The following JMJD1C variants were observed in gnomAD, a reference collection of about 807,000 sequenced individuals.
The protein encoded by JMJD1C is jumonji domain containing 1C.
In JMJD1C, 31 loss-of-function variants were observed where a neutral mutation model predicts 245.3. The ratio of observed to expected loss-of-function variants is 0.13; its 90% CI spans 0.09 to 0.17. The LOEUF (loss-of-function observed/expected upper bound fraction) is 0.17. JMJD1C is among the 10% of genes least tolerant of loss of function. The pLI is 1.00. For missense variants in JMJD1C, 2,691 were observed against 3,000.2 expected, an observed-to-expected ratio of 0.90 and a Z score of 2.41; for synonymous variants, 1,057 against 1,017.4, an observed-to-expected ratio of 1.04 and a Z score of -0.74.
intron 12 of JMJD1C, among the ~76,000 whole-genome samples, chr10:63,197,884 C>G (rs1327039468): frequency 6.6e-6 from 1 of 152,178 alleles, no homozygotes; most frequent in African/African-American, 2.4e-5. Context: ...CATCTGTAGC[C>G]TCTACCTATC....
intron 1 of JMJD1C, among the ~76,000 whole-genome samples, chr10:63,484,221 G>A: frequency 1.6e-5 from 1 of 63,418 alleles, no homozygotes; most frequent in Non-Finnish European, 3.8e-5. Flanking sequence ...TGGATGGATG[G>A]ATGGATGGAT....
intron 2 of JMJD1C, among the ~76,000 whole-genome samples, chr10:63,326,224 G>A (rs563094002): frequency 2.0e-5 from 3 of 152,146 alleles, no homozygotes; most frequent in Admixed American, 6.5e-5. Flanking sequence ...GCCAGACGCG[G>A]TGGCTCACGC....
At chr10:63,412,212 G>A (rs10761755) in intron 1 of JMJD1C, among the ~76,000 whole-genome samples, 99,988 of 152,016 alleles carry the variant, frequency 0.66, 35,820 homozygotes, top group Non-Finnish European at 0.81. Context: ...ACTGTTGACC[G>A]GAAGTCTTAA....
intron 1 of JMJD1C, among the ~76,000 whole-genome samples, chr10:63,418,557 C>G (rs1033802296): frequency 6.6e-6 from 1 of 152,098 alleles, no homozygotes; most frequent in African/African-American, 2.4e-5. Context: ...TTTCTTAAAG[C>G]CATGCCAAAA....
chr10:63,260,943 C>T (rs1391078495), intron 3 of JMJD1C, among the ~76,000 whole-genome samples: 1 of 152,072 alleles, frequency 6.6e-6, no homozygotes, highest in Non-Finnish European at 1.5e-5. Flanking sequence ...ATTTTCTCCT[C>T]CTTCTTCCCA....
chr10:63,226,481 G>A (rs943151575), intron 3 of JMJD1C, among the ~76,000 whole-genome samples: 9 of 152,008 alleles, frequency 5.9e-5, no homozygotes, highest in Non-Finnish European at 1.3e-4. Flanking sequence ...AGGAGGCCAA[G>A]GTGGGAGGAT....
At chr10:63,458,860 A>C (rs1484025619) in intron 1 of JMJD1C, among the ~76,000 whole-genome samples, 1 of 152,010 alleles carries the variant, frequency 6.6e-6, no homozygotes, top group Non-Finnish European at 1.5e-5. Context: ...AGGAGCTGGG[A>C]CCACAGGCAC....
chr10:63,263,348 T>G (rs1855038050), intron 3 of JMJD1C, among the ~76,000 whole-genome samples: 1 of 152,180 alleles, frequency 6.6e-6, no homozygotes, highest in Non-Finnish European at 1.5e-5. Context: ...CTCATTTTGG[T>G]GGACCTAAGA....
At chr10:63,347,889 A>G (rs985970992) in intron 2 of JMJD1C, among the ~76,000 whole-genome samples, 15 of 152,042 alleles carry the variant, frequency 9.9e-5, no homozygotes, top group African/African-American at 3.1e-4. Flanking sequence ...CCTCCAGCCT[A>G]GGCAACAGAG....
chr10:63,497,015 T>C (rs1456808539), intron 1 of JMJD1C, among the ~76,000 whole-genome samples: 1 of 152,216 alleles, frequency 6.6e-6, no homozygotes, highest in Non-Finnish European at 1.5e-5. Flanking sequence ...CCTTTGTTAT[T>C]GTACATGTTA....
chr10:63,213,792 T>G lies in JMJD1C; in HGVS notation c.2375A>C (p.His792Pro), dbSNP rs866120279. Residue 792 changes from histidine to proline, a missense_variant, in exon 8 of 26, where the codon CAC (histidine) becomes CCC (proline). By Grantham distance (77) the His-to-Pro change is moderately conservative. Coordinates refer to ENST00000399262, the MANE Select transcript of JMJD1C (RefSeq NM_032776.3). ...LTSGPHHAVH[H>P]PHLLPTVLPG... ...TAACACAGTGGGAAGTAAATGAGGG[T>G]GATGAACAGCATGGTGTGGACCACT... is the stretch of plus-strand genomic sequence containing the variant. 1.3e-5 allele frequency: 21 copies of G among 1,613,868 alleles called. No individual in the cohort carries two copies. The highest frequency in any genetic ancestry group is 1.7e-5 in the Non-Finnish European group (20 of 1,179,922).
At chr10:63,290,604 G>A (rs1323020747) in intron 2 of JMJD1C, among the ~76,000 whole-genome samples, 5 of 152,080 alleles carry the variant, frequency 3.3e-5, no homozygotes, top group Non-Finnish European at 7.4e-5. Context: ...CTTCTGAAGC[G>A]ATAATATAGG....
rs1191882030 is a variant in JMJD1C at position 63,329,785 on chromosome 10, C to T, written c.333+50533G>A. On this transcript the variant is annotated intron_variant, in intron 2 of 25. Coordinates refer to ENST00000399262, the MANE Select transcript of JMJD1C (RefSeq NM_032776.3). ...TTCAATGTGGGTTAGCAGCAGTAAG[C>T]CACAGCTCCCCGTCAGCCACACTAT... 6.6e-5 allele frequency among the ~76,000 whole-genome samples: 10 copies of T among 152,338 alleles called. 1 individual carries two copies. The highest frequency in any genetic ancestry group is 2.4e-4 in the African/African-American group (10 of 41,580).
intron 1 of JMJD1C, among the ~76,000 whole-genome samples, chr10:63,451,378 T>C (rs1952058657): frequency 6.6e-6 from 1 of 152,138 alleles, no homozygotes; most frequent in African/African-American, 2.4e-5. Context: ...TCAAACTTAC[T>C]ACAAACCCAC....
intron 1 of JMJD1C, among the ~76,000 whole-genome samples, chr10:63,383,852 AG>A (rs1376729200): frequency 6.6e-6 from 1 of 152,178 alleles, no homozygotes; most frequent in Non-Finnish European, 1.5e-5. Context: ...CTGACTGCTC[AG>A]GGTGGTGGTA....
chr10:63,181,081 G>C (rs952103770), intron 22 of JMJD1C, among the ~76,000 whole-genome samples: 1 of 152,022 alleles, frequency 6.6e-6, no homozygotes, highest in Non-Finnish European at 1.5e-5. Context: ...TGGCTAGCTG[G>C]TCTCAAACTC....
chr10:63,400,269 T>C (rs900171626), intron 1 of JMJD1C, among the ~76,000 whole-genome samples: 1 of 152,186 alleles, frequency 6.6e-6, no homozygotes, highest in Non-Finnish European at 1.5e-5. Context: ...TAAGGCATAC[T>C]CCTAAGGTAG....
intron 2 of JMJD1C, among the ~76,000 whole-genome samples, chr10:63,365,417 T>C (rs1945750168): frequency 1.3e-5 from 2 of 152,218 alleles, no homozygotes; most frequent in East Asian, 3.8e-4. Context: ...TTTAAGACTT[T>C]TCCTGAAACT....
At chr10:63,304,185 A>G (rs1437466367) in intron 2 of JMJD1C, among the ~76,000 whole-genome samples, 1 of 152,246 alleles carries the variant, frequency 6.6e-6, no homozygotes, top group Non-Finnish European at 1.5e-5. Flanking sequence ...AAATGGGACC[A>G]AAGACTCAAA....
Sources: gnomAD v4.1 joint callset for allele counts (sites outside exome capture counted in the v4.1 genomes callset) on GRCh38, gnomAD v4.1.1 for gene constraint, MANE v1.5 for transcripts, NCBI Gene and HGNC (gene_info 2026-07-23, HGNC 2026-07-21) for gene names.